Variants in HAP1 observed in about 807,000 individuals in gnomAD.
HAP1 encodes huntingtin-associated protein 1.
A neutral mutation model predicts 60.3 loss-of-function variants in HAP1; 59 were observed. The observed-to-expected ratio is 0.98, with a 90% CI of 0.79 to 1.22. The LOEUF is 1.22. Among genes scored for constraint, HAP1 ranks in the 50% most tolerant of loss-of-function variants. The pLI is 0.00. For synonymous variants in HAP1, 346 were observed against 330.6 expected (o/e 1.05, Z -0.50); for missense variants, 825 against 785.3 (o/e 1.05, Z -0.60).
At chr17:41,726,944 A>C in intron 9 of HAP1, 109 bp downstream of exon 9, 1 of 634,890 alleles carries the variant, frequency 1.6e-6, no homozygotes, top group Non-Finnish European at 2.8e-6. Context: ...GATGCAGTGA[A>C]CGAGGCGGGT....
At chr17:41,730,893 G>A (rs534803756) in intron 6 of HAP1, among the ~76,000 whole-genome samples, 1 of 145,844 alleles carries the variant, frequency 6.9e-6, no homozygotes, top group African/African-American at 2.6e-5. Context: ...AATAAGAGAA[G>A]ACAGGCTTGG....
Position 41,723,598 on chromosome 17 carries a change from G to C in HAP1, c.*1103C>G, listed in dbSNP as rs1271846379. 6.5e-6 allele frequency: 1 copy of C among 152,724 alleles called. No homozygotes were observed. The highest frequency in any genetic ancestry group is 2.4e-5 in the African/African-American group (1 of 41,434). 9.5% of individuals were successfully genotyped at this position (152,724 alleles called of 1,614,324 possible). The stretch of plus-strand genomic sequence containing the variant: ...TGATGACCACAGGCCTGGCCTGGGC[G>C]GTGGGCAGGGGTCTGATCAACTGTA... On this transcript the variant is annotated 3_prime_UTR_variant, in exon 11 of 11. Coordinates refer to ENST00000347901, the MANE Select transcript of HAP1 (RefSeq NM_177977.3).
At chr17:41,730,210 G>A (rs1276920912) in intron 6 of HAP1, 2 of 151,494 alleles carry the variant, frequency 1.3e-5, no homozygotes, top group South Asian at 4.2e-4. Context: ...TGATCAGCAT[G>A]GGAGTTTTGA....
chr17:41,733,054 G>GTTTTTTTTTTTTTTTTGGTTT (rs71155166), intron 1 of HAP1, among the ~76,000 whole-genome samples: 1 of 99,076 alleles, frequency 1.0e-5, no homozygotes, highest in African/African-American at 4.1e-5. Flanking sequence ...TTTTTTTTTG[G>GTTTTTTTTTTTTTTTTGGTTT]TTTTTTTTTT....
rs150798699 is a variant in HAP1 at position 41,733,792 on chromosome 17, C to G, written c.469+374G>C. ...CCCACCCCTCCATCGCACGCAAGCC[C>G]GGTCGGCCAGCGCAGACTCAGAGCG... On this transcript the variant is annotated intron_variant, in intron 1 of 10. Coordinates refer to ENST00000347901, the MANE Select transcript of HAP1 (RefSeq NM_177977.3). Among the ~76,000 whole-genome samples, 10 of 151,324 alleles carry G rather than the reference C, an allele frequency of 6.6e-5. 1 individual carries two copies. Among genetic ancestry groups the G allele is most frequent in the Admixed American group, 5.9e-4 (9 of 15,248 alleles).
Position 41,725,160 on chromosome 17 carries a change from C to CGG in HAP1, c.1407-8_1407-7dup, listed in dbSNP as rs782810198. The CGG allele has an allele frequency of 2.6e-6, 4 of 1,560,372 alleles. No individual in the cohort carries two copies. In the African/African-American group the frequency reaches 5.4e-5, roughly 21 times the overall value. ...CACTGTAGCGAAAATCATACCTGGGCGGGAGATAGCGACATCTTTTGAGGG... is the reference window on the plus strand; with the variant it reads ...CACTGTAGCGAAAATCATACCTGGGCGGGGGAGATAGCGACATCTTTTGAGGG... On this transcript the variant is annotated splice_polypyrimidine_tract_variant and splice_region_variant and intron_variant, in intron 10 of 10. Coordinates refer to ENST00000347901, the MANE Select transcript of HAP1 (RefSeq NM_177977.3).
At chr17:41,729,753 G>A (rs1555590099) in intron 6 of HAP1, among the ~76,000 whole-genome samples, 2 of 149,168 alleles carry the variant, frequency 1.3e-5, no homozygotes, top group African/African-American at 2.5e-5. Flanking sequence ...GCACAGGCCT[G>A]TAATCCCAGC....
downstream of HAP1, chr17:41,721,210 G>T (rs547114590): frequency 6.6e-6 from 1 of 152,316 alleles, no homozygotes; most frequent in Non-Finnish European, 1.5e-5. Context: ...GCCACAAAGT[G>T]TGTTTTATTT....
At position 41,724,518 on chromosome 17, in the gene HAP1, AAGTGGATGG is replaced by A. The variant is rs1457305787; in HGVS notation, c.*174_*182del. On this transcript the variant is annotated 3_prime_UTR_variant, in exon 11 of 11. Coordinates refer to ENST00000347901, the MANE Select transcript of HAP1 (RefSeq NM_177977.3). ...ACCCCCAGCCCAGCCCCCAGGAGAA[AAGTGGATGG>A]AGATCTGGAATCCTAAGCAAATGCC... 1 of 592,534 alleles carries A rather than the reference AAGTGGATGG, an allele frequency of 1.7e-6. No individual in the cohort carries two copies. Among genetic ancestry groups the A allele is most frequent in the Non-Finnish European group, 3.0e-6 (1 of 334,158 alleles). 36.7% of individuals were successfully genotyped at this position (592,534 alleles called of 1,614,324 possible).
chr17:41,734,158 C>G lies in HAP1; in HGVS notation c.469+8G>C. ...CACCCGGTCCAGGACCCCGGGGGCC[C>G]GATTTACCTTCCTCCAGCTCCCGAA... On this transcript the variant is annotated splice_region_variant and intron_variant, in intron 1 of 10. Coordinates refer to ENST00000347901, the MANE Select transcript of HAP1 (RefSeq NM_177977.3). The G allele has an allele frequency of 6.4e-7, 1 of 1,568,354 alleles. No homozygotes were observed. The highest frequency in any genetic ancestry group is 8.7e-7 in the Non-Finnish European group (1 of 1,152,444).
chr17:41,728,239 G>C lies in HAP1; in HGVS notation c.1162C>G (p.Gln388Glu), dbSNP rs942349865. 3 of 1,613,020 alleles carry C rather than the reference G, an allele frequency of 1.9e-6. No homozygotes were observed. Among genetic ancestry groups the C allele is most frequent in the African/African-American group, 2.7e-5 (2 of 74,944 alleles). Reference sequence around the variant, plus strand: ...TGCTGCAGCTTCAGCACCTGGGCCTGCAGCCGAGCGACCTCCTGCTGCTGC... The same window carrying C: ...TGCTGCAGCTTCAGCACCTGGGCCTCCAGCCGAGCGACCTCCTGCTGCTGC... Reference protein sequence around the residue: ...ERQQQEVARLQAQVLKLQQRC... With the variant: ...ERQQQEVARLEAQVLKLQQRC... Residue 388 changes from glutamine (Q) to glutamate (E), a missense_variant, in exon 7 of 11, where the codon CAG (glutamine) becomes GAG (glutamate). Coordinates refer to ENST00000347901, the MANE Select transcript of HAP1 (RefSeq NM_177977.3).
chr17:41,727,699 G>A, intron 8 of HAP1, 63 bp downstream of exon 8: 1 of 1,106,072 alleles, frequency 9.0e-7, no homozygotes, highest in Non-Finnish European at 1.4e-6. Context: ...CCAAGGGCCT[G>A]GGGTCCCCAC....
rs782745485 is a variant in HAP1, at chr17:41,732,398, G to C, written c.550-4C>G. The C allele has an allele frequency of 1.2e-6, 2 of 1,613,768 alleles. No individual in the cohort carries two copies. Among genetic ancestry groups the C allele is most frequent in the Non-Finnish European group, 1.7e-6 (2 of 1,179,884 alleles). On this transcript the variant is annotated splice_region_variant and splice_polypyrimidine_tract_variant and intron_variant, in intron 2 of 10. Transcript: ENST00000347901. Reference sequence around the variant, plus strand: ...TCTCCCAGACAGGTGGGAGAAGCTGGGGGGGACACAGGGGTCAGAGAGAGG... The same window carrying C: ...TCTCCCAGACAGGTGGGAGAAGCTGCGGGGGACACAGGGGTCAGAGAGAGG...
chr17:41,727,835 T>C lies in HAP1; in HGVS notation c.1202A>G (p.Tyr401Cys). ...VLKLQQRCRM[Y>C]GAETEKLQKQ... ...CTGCAACTTTTCAGTCTCAGCCCCA[T>C]ACTGGAAGGACCCAAAACCAGTGAA... Residue 401 changes from tyrosine (Y) to cysteine (C), a missense_variant and splice_region_variant, in exon 8 of 11, where the codon TAT becomes TGT. Transcript: ENST00000347901. 1 of 1,599,566 alleles carries C rather than the reference T, an allele frequency of 6.3e-7. No homozygotes were observed. Among genetic ancestry groups the C allele is most frequent in the South Asian group, 1.1e-5 (1 of 90,860 alleles).
intron 7 of HAP1, 83 bp downstream of exon 7, chr17:41,728,118 G>T: frequency 6.7e-7 from 1 of 1,502,454 alleles, no homozygotes; most frequent in South Asian, 1.1e-5. Context: ...CCTCAGGCCT[G>T]GTGGAGCCGA....
Position 41,724,963 on chromosome 17 carries a change from AC to A in HAP1, c.1597del (p.Val533CysfsTer21). The A allele has an allele frequency of 2.5e-6, 4 of 1,612,658 alleles. No homozygotes were observed. The highest frequency in any genetic ancestry group is 3.4e-6 in the Non-Finnish European group (4 of 1,179,968). ...EEGVMEEAEL[V>X]SEETEGWEEV... is the part of the protein sequence containing the mutation. Reference sequence around the variant, plus strand: ...CTCCCAGCCCTCGGTCTCCTCTGACACCAGCTCTGCCTCTTCCATCACCCCT... The same window carrying A: ...CTCCCAGCCCTCGGTCTCCTCTGACACAGCTCTGCCTCTTCCATCACCCCT... On this transcript the variant is annotated frameshift_variant, in exon 11 of 11. Coordinates refer to ENST00000347901, the MANE Select transcript of HAP1 (RefSeq NM_177977.3). LOFTEE classifies it low-confidence loss of function (END_TRUNC).
chr17:41,724,958 C>T lies in HAP1; in HGVS notation c.1603G>A (p.Glu535Lys), dbSNP rs1555588342. The part of the protein sequence containing the change: ...GVMEEAELVS[E>K]ETEGWEEVEL... ...ACCTCCTCCCAGCCCTCGGTCTCCT[C>T]TGACACCAGCTCTGCCTCTTCCATC... Residue 535 changes from glutamate (E) to lysine (K), a missense_variant, in exon 11 of 11, where the codon GAG (glutamate) becomes AAG (lysine). Physicochemically the swap from Glu to Lys is moderately conservative, Grantham distance 56. Transcript: ENST00000347901. The T allele has an allele frequency of 1.9e-6, 3 of 1,612,716 alleles. No individual in the cohort carries two copies. Among genetic ancestry groups the T allele is most frequent in the Non-Finnish European group, 1.7e-6 (2 of 1,180,010 alleles).
At chr17:41,731,867 T>C in intron 4 of HAP1, 70 bp downstream of exon 4, 1 of 818,120 alleles carries the variant, frequency 1.2e-6, no homozygotes, top group Non-Finnish European at 2.1e-6. Flanking sequence ...ACATCACCTG[T>C]GTCCCTCTTA....
chr17:41,724,921 A>G lies in HAP1; in HGVS notation c.1640T>C (p.Leu547Pro). ...TEGWEEVELE[L>P]DEATRMNVVT... ...CACGTTCATCCGCGTTGCCTCATCC[A>G]GCTCCAGTTCCACCTCCTCCCAGCC... Residue 547 changes from leucine (L) to proline (P), a missense_variant, in exon 11 of 11, where the codon CTG (leucine) becomes CCG (proline). Transcript: ENST00000347901. The G allele has an allele frequency of 6.2e-7, 1 of 1,613,412 alleles. No homozygotes were observed. Among genetic ancestry groups the G allele is most frequent in the Non-Finnish European group, 8.5e-7 (1 of 1,179,966 alleles).
Sources: gnomAD v4.1 joint callset for allele counts (sites outside exome capture counted in the v4.1 genomes callset) on GRCh38, gnomAD v4.1.1 for gene constraint, MANE v1.5 for transcripts, NCBI Gene and HGNC (gene_info 2026-07-23, HGNC 2026-07-21) for gene names.